HMGXB4: variants seen among roughly 807,000 people sequenced by gnomAD.
The protein encoded by HMGXB4 is HMG domain-containing protein 4.
In HMGXB4, 27 loss-of-function variants were observed where a neutral mutation model predicts 63.9. That is an observed-to-expected ratio of 0.42 (90% confidence interval 0.31 to 0.58). HMGXB4 has a LOEUF of 0.58. HMGXB4 is among the 20% of genes least tolerant of loss of function. The probability of loss-of-function intolerance (pLI) is 0.13; values close to 1 mark genes in which losing one functional copy is unlikely to be tolerated. For synonymous variants in HMGXB4, 264 were observed against 265.3 expected (o/e 0.99, Z 0.05); for missense variants, 624 against 700.7 (o/e 0.89, Z 1.24).
intron 5 of HMGXB4, among the ~76,000 whole-genome samples, chr22:35,270,503 C>T (rs767153941): frequency 2.6e-5 from 4 of 152,238 alleles, no homozygotes; most frequent in Non-Finnish European, 5.9e-5. Context: ...AACTCTGCCC[C>T]TACCCCTGCC....
the HMGXB4 span, among the ~76,000 whole-genome samples, chr22:35,248,994 C>T: frequency 2.0e-5 from 3 of 152,194 alleles, no homozygotes; most frequent in Non-Finnish European, 2.9e-5. Context: ...TAGGGCATTA[C>T]TAAACACTAA....
At chr22:35,250,439 T>C in the HMGXB4 span, among the ~76,000 whole-genome samples, 1 of 152,132 alleles carries the variant, frequency 6.6e-6, no homozygotes, top group East Asian at 1.9e-4. Flanking sequence ...CATGAACTCG[T>C]AAAGCAAGAA....
chr22:35,283,794 A>AATAT lies in HMGXB4; in HGVS notation c.1216-155_1216-152dup, dbSNP rs60002253. On this transcript the variant is annotated intron_variant, in intron 5 of 10. Transcript: ENST00000216106. ...GACAGAGTGAGACTGTATCTCAAAA[A>AATAT]ATATATATATATATATTATCCTGTT... Among the ~76,000 whole-genome samples the AATAT allele has an allele frequency of 3.0e-3, 449 of 150,142 alleles. 1 individual carries two copies. The highest frequency in any genetic ancestry group is 5.6e-3 in the Non-Finnish European group (378 of 67,390).
chr22:35,275,270 C>CCA (rs1923845161), intron 5 of HMGXB4, among the ~76,000 whole-genome samples: 1 of 151,862 alleles, frequency 6.6e-6, no homozygotes, highest in Non-Finnish European at 1.5e-5. Flanking sequence ...CAGGTGCCCA[C>CCA]CACCACACCC....
intron 5 of HMGXB4, among the ~76,000 whole-genome samples, chr22:35,282,859 G>A (rs1337428801): frequency 6.6e-6 from 1 of 152,062 alleles, no homozygotes; most frequent in Non-Finnish European, 1.5e-5. Context: ...TTTCTAGATA[G>A]GAAAAACTTA....
chr22:35,259,506 A>G (rs1349726236), intron 1 of HMGXB4, among the ~76,000 whole-genome samples: 1 of 152,206 alleles, frequency 6.6e-6, no homozygotes, highest in Non-Finnish European at 1.5e-5. Context: ...GAATTTTCAC[A>G]GATTGTATTC....
intron 5 of HMGXB4, among the ~76,000 whole-genome samples, 160 bp downstream of exon 5, chr22:35,265,763 C>T (rs1233388896): frequency 6.6e-6 from 1 of 151,630 alleles, no homozygotes; most frequent in Non-Finnish European, 1.5e-5. Context: ...TTACCAGTAG[C>T]CCAGTCTGTC....
At chr22:35,249,067 C>CTT in the HMGXB4 span, among the ~76,000 whole-genome samples, 1 of 151,306 alleles carries the variant, frequency 6.6e-6, no homozygotes, top group Non-Finnish European at 1.5e-5. Flanking sequence ...ATTTTCTTTT[C>CTT]TTTTTTTTTG....
chr22:35,262,661 C>A, intron 2 of HMGXB4: 1 of 565,482 alleles, frequency 1.8e-6, no homozygotes, highest in Non-Finnish European at 3.2e-6. Context: ...TTGGGGTGAT[C>A]CCCTGCAGCA....
At chr22:35,261,296 C>T (rs1031424544) in intron 1 of HMGXB4, among the ~76,000 whole-genome samples, 6 of 151,972 alleles carry the variant, frequency 3.9e-5, no homozygotes, top group Non-Finnish European at 8.8e-5. Flanking sequence ...ATTAGCCAGG[C>T]TCGGTGGCAG....
chr22:35,264,798 C>G lies in HMGXB4; in HGVS notation c.410C>G (p.Ser137Cys), dbSNP rs754357427. The change falls in exon 5 of 11, where the codon TCT (serine) becomes TGT (cysteine). Residue 137 changes from serine (S) to cysteine (C), a missense_variant. Physicochemically the swap from Ser to Cys is moderately radical, Grantham distance 112. Transcript: ENST00000216106. ...AAGACTGGGGAGAAATCCTCTGGCT[C>G]TTCAAGCCATTCGGAGAGTAAAAAG... ...SKKTGEKSSG[S>C]SSHSESKKEH... 4 of 1,614,172 alleles carry G rather than the reference C, an allele frequency of 2.5e-6. No individual in the cohort carries two copies. In the South Asian group the frequency reaches 3.3e-5, roughly 13 times the overall value.
intron 8 of HMGXB4, among the ~76,000 whole-genome samples, chr22:35,288,030 G>T (rs1464426355): frequency 6.6e-6 from 1 of 151,892 alleles, no homozygotes; most frequent in East Asian, 1.9e-4. Context: ...CATATTCTTT[G>T]TTTTTCTATA....
chr22:35,248,219 C>A, the HMGXB4 span, among the ~76,000 whole-genome samples: 4 of 152,156 alleles, frequency 2.6e-5, no homozygotes, highest in East Asian at 7.7e-4. Flanking sequence ...TTCATTGCTA[C>A]AAAGAAATAC....
intron 5 of HMGXB4, among the ~76,000 whole-genome samples, chr22:35,278,449 A>G (rs1924038128): frequency 6.6e-6 from 1 of 152,164 alleles, no homozygotes; most frequent in South Asian, 2.1e-4. Context: ...AAGTGGCTGT[A>G]CCATGGGATC....
At chr22:35,246,922 G>A in the HMGXB4 span, among the ~76,000 whole-genome samples, 20 of 152,200 alleles carry the variant, frequency 1.3e-4, no homozygotes, top group South Asian at 2.1e-4. Flanking sequence ...GTCCCTGCTC[G>A]GCACACTTAA....
chr22:35,271,887 C>G (rs999751070), intron 5 of HMGXB4, among the ~76,000 whole-genome samples: 4 of 152,182 alleles, frequency 2.6e-5, no homozygotes, highest in African/African-American at 4.8e-5. Flanking sequence ...AGGTAAAAAG[C>G]AACTACCACA....
At chr22:35,254,692 C>A (rs1438181895), upstream of HMGXB4, among the ~76,000 whole-genome samples, 1 of 152,240 alleles carries the variant, frequency 6.6e-6, no homozygotes, top group Admixed American at 6.5e-5. Flanking sequence ...GTTCACTGTT[C>A]TATTCCCAAC....
intron 5 of HMGXB4, among the ~76,000 whole-genome samples, chr22:35,279,684 T>G (rs1045935930): frequency 2.8e-5 from 3 of 108,838 alleles, no homozygotes; most frequent in Non-Finnish European, 6.6e-5. Context: ...TTCCTTTTTT[T>G]TTTTTTTTTT....
intron 5 of HMGXB4, 29 bp from the exon 6 acceptor site, chr22:35,283,933 A>G: frequency 1.9e-6 from 3 of 1,543,874 alleles, no homozygotes; most frequent in Non-Finnish European, 2.7e-6. Context: ...ATCAAGTCTT[A>G]CCCTGTTGTA....
Sources: gnomAD v4.1 joint callset for allele counts (sites outside exome capture counted in the v4.1 genomes callset) on GRCh38, gnomAD v4.1.1 for gene constraint, MANE v1.5 for transcripts, NCBI Gene and HGNC (gene_info 2026-07-23, HGNC 2026-07-21) for gene names.